IDE: variants seen among roughly 807,000 people sequenced by gnomAD.
IDE encodes insulin degrading enzyme.
Under a neutral mutation model 133.2 loss-of-function variants are expected in IDE, and 58 were observed. The ratio of observed to expected loss-of-function variants is 0.44; its 90% CI spans 0.35 to 0.54. IDE has a LOEUF of 0.54. Among genes scored for constraint, IDE ranks in the 20% least tolerant of loss-of-function variants. The probability of loss-of-function intolerance (pLI) is 0.00; values close to 1 mark genes in which losing one functional copy is unlikely to be tolerated. For missense variants in IDE, 981 were observed against 1,234.0 expected, an observed-to-expected ratio of 0.79 and a Z score of 3.07; for synonymous variants, 396 against 421.3, an observed-to-expected ratio of 0.94 and a Z score of 0.73.
chr10:92,537,370 G>T lies in IDE; in HGVS notation c.279C>A (p.His93Gln). ...TDKSSAALDV[H>Q]IGSLSDPPNI... ...ATTCACAATTTTCAATTGTACCTAT[G>T]TGCACATCAAGTGCTGCTGATGACT... The change falls in exon 2 of 25, where the codon CAC becomes CAA. Residue 93 changes from histidine (H) to glutamine (Q), a missense_variant. Coordinates refer to ENST00000265986, the MANE Select transcript of IDE (RefSeq NM_004969.4). 1 of 1,598,418 alleles carries T rather than the reference G, an allele frequency of 6.3e-7. No homozygotes were observed. The highest frequency in any genetic ancestry group is 1.1e-5 in the South Asian group (1 of 87,314).
intron 22 of IDE, among the ~76,000 whole-genome samples, chr10:92,458,533 G>T (rs189954628): frequency 3.3e-5 from 4 of 121,806 alleles, no homozygotes; most frequent in Non-Finnish European, 6.4e-5. Context: ...ATGGAGTCTC[G>T]CTCTGTCGCC....
chr10:92,469,136 C>T (rs1845836492), intron 18 of IDE, 146 bp from the exon 19 acceptor site: 1 of 598,152 alleles, frequency 1.7e-6, no homozygotes, highest in Admixed American at 2.8e-5. Flanking sequence ...TTGAATTTGT[C>T]AGTATGGTCA....
At chr10:92,521,113 A>T (rs1849202564) in intron 4 of IDE, among the ~76,000 whole-genome samples, 1 of 152,198 alleles carries the variant, frequency 6.6e-6, no homozygotes. Flanking sequence ...GCCAAATAGT[A>T]GAAAAGGAGA....
intron 15 of IDE, among the ~76,000 whole-genome samples, chr10:92,477,337 G>C (rs1589388607): frequency 6.6e-6 from 1 of 151,952 alleles, no homozygotes; most frequent in Non-Finnish European, 1.5e-5. Context: ...ATTTTTTGTA[G>C]AGACAGGGTC....
chr10:92,535,186 C>A (rs908651129), intron 2 of IDE, among the ~76,000 whole-genome samples: 2 of 152,200 alleles, frequency 1.3e-5, no homozygotes, highest in African/African-American at 4.8e-5. Flanking sequence ...TCACTGCAAG[C>A]TCCGCCTCCT....
At chr10:92,504,565 A>G (rs1848193510) in intron 11 of IDE, among the ~76,000 whole-genome samples, 1 of 152,168 alleles carries the variant, frequency 6.6e-6, no homozygotes, top group South Asian at 2.1e-4. Flanking sequence ...ATTGCCTCAA[A>G]ATAATTTAGG....
Position 92,524,149 on chromosome 10 carries a change from T to A in IDE, c.661+7599A>T, listed in dbSNP as rs556632813. Among the ~76,000 whole-genome samples the A allele has an allele frequency of 5.1e-5, 7 of 138,140 alleles. No individual in the cohort carries two copies. The East Asian group carries it at 1.5e-3, about 29-fold the overall frequency. The allele number at this position is 138,140 out of a possible 152,430, so 90.6% of individuals were successfully genotyped here. A position where few individuals can be genotyped will look rare whatever the true frequency, so the allele number is the denominator to read the frequency against. On this transcript the variant is annotated intron_variant, in intron 4 of 24. Coordinates refer to ENST00000265986, the MANE Select transcript of IDE (RefSeq NM_004969.4). ...TTCAATAACATATTAAAAATATCAT[T>A]CAATTCACAAATTAGCTGGGCATGG...
At chr10:92,524,419 A>T (rs1323201038) in intron 4 of IDE, among the ~76,000 whole-genome samples, 2 of 68,222 alleles carry the variant, frequency 2.9e-5, no homozygotes, top group Admixed American at 2.8e-4. Context: ...ATATTATATT[A>T]TATATAATAT....
At chr10:92,532,066 T>C (rs1849956222) in intron 3 of IDE, 149 bp from the exon 4 acceptor site, 2 of 517,792 alleles carry the variant, frequency 3.9e-6, no homozygotes, top group Non-Finnish European at 6.6e-6. Flanking sequence ...AAAAGGAGTA[T>C]AAAATAAGTG....
intron 18 of IDE, among the ~76,000 whole-genome samples, chr10:92,469,674 C>T (rs1436850524): frequency 6.6e-6 from 1 of 152,132 alleles, no homozygotes; most frequent in African/African-American, 2.4e-5. Flanking sequence ...GCCTCAGCCT[C>T]CAAAGTACTG....
chr10:92,572,688 G>C (rs1359023697), intron 1 of IDE, among the ~76,000 whole-genome samples: 2 of 152,130 alleles, frequency 1.3e-5, no homozygotes, highest in African/African-American at 4.8e-5. Context: ...TATAATACAG[G>C]ACTTGTGTCC....
intron 11 of IDE, among the ~76,000 whole-genome samples, chr10:92,504,000 G>C (rs1848166021): frequency 6.8e-6 from 1 of 147,904 alleles, no homozygotes; most frequent in South Asian, 2.2e-4. Flanking sequence ...TTACAGGCAG[G>C]AGCCACCGCG....
At chr10:92,542,445 G>A (rs1360435894) in intron 1 of IDE, among the ~76,000 whole-genome samples, 4 of 152,074 alleles carry the variant, frequency 2.6e-5, no homozygotes, top group South Asian at 2.1e-4. Flanking sequence ...ATGGGCCACC[G>A]TGCCTAGTCT....
In IDE at chr10:92,455,565, A is replaced by G. The variant is rs942069161; in HGVS notation, c.2964+11T>C. The G allele has an allele frequency of 8.6e-6, 13 of 1,518,816 alleles. No individual in the cohort carries two copies. The highest frequency in any genetic ancestry group is 1.7e-4 in the Middle Eastern group (1 of 5,758). The allele number at this position is 1,518,816 out of a possible 1,614,324, so 94.1% of individuals were successfully genotyped here. On this transcript the variant is annotated intron_variant, in intron 24 of 24. Coordinates refer to ENST00000265986, the MANE Select transcript of IDE (RefSeq NM_004969.4). ...TGTCAGTACAATCTAACATAACGTT[A>G]TATTTCTTACTTGTGGCAAGGCTGG...
chr10:92,567,870 C>T (rs1843625838), intron 1 of IDE, among the ~76,000 whole-genome samples: 2 of 152,146 alleles, frequency 1.3e-5, no homozygotes, highest in South Asian at 4.1e-4. Context: ...CTACAGGAGG[C>T]TGAGGTGAGA....
At chr10:92,558,902 T>C (rs1843139246) in intron 1 of IDE, 3 of 149,460 alleles carry the variant, frequency 2.0e-5, no homozygotes, top group Non-Finnish European at 4.4e-5. Flanking sequence ...GCCTAGAGAA[T>C]ATATTTTAAA....
chr10:92,488,706 G>A (rs963485264), intron 12 of IDE, among the ~76,000 whole-genome samples: 3 of 151,680 alleles, frequency 2.0e-5, no homozygotes, highest in Non-Finnish European at 4.4e-5. Context: ...GAACCTGGAA[G>A]GCAGAGGTTG....
At chr10:92,507,107 G>A (rs542945236) in intron 9 of IDE, among the ~76,000 whole-genome samples, 102 of 126,332 alleles carry the variant, frequency 8.1e-4, no homozygotes, top group African/African-American at 2.4e-3. Context: ...TTTGTTTTAC[G>A]CAAAAAAAAA....
chr10:92,557,303 G>A (rs966537752), intron 1 of IDE, among the ~76,000 whole-genome samples: 24 of 151,350 alleles, frequency 1.6e-4, no homozygotes, highest in South Asian at 4.2e-4. Flanking sequence ...TTGGGAGGCC[G>A]AGGGGGGTGG....
Sources: allele counts gnomAD v4.1 joint callset (sites outside exome capture counted in the v4.1 genomes callset), GRCh38; gene constraint gnomAD v4.1.1; transcripts MANE v1.5; gene names NCBI Gene and HGNC (gene_info 2026-07-23, HGNC 2026-07-21).